Variants in C12orf42 observed in about 807,000 individuals in gnomAD.
C12orf42 encodes the protein uncharacterized protein C12orf42.
In C12orf42, 25 loss-of-function variants were observed where a neutral mutation model predicts 21.6. The observed-to-expected ratio is 1.16, with a 90% CI of 0.84 to 1.62. The LOEUF (loss-of-function observed/expected upper bound fraction) is 1.62. C12orf42 is among the 40% of genes most tolerant of loss of function. The probability of loss-of-function intolerance (pLI) is 0.00; values close to 1 mark genes in which losing one functional copy is unlikely to be tolerated. For missense variants in C12orf42, 483 were observed against 459.3 expected (o/e 1.05, Z -0.47); for synonymous variants, 174 against 175.0 (o/e 0.99, Z 0.05).
the C12orf42 span, among the ~76,000 whole-genome samples, chr12:103,548,514 G>A: frequency 1.3e-5 from 2 of 152,058 alleles, no homozygotes; most frequent in African/African-American, 4.8e-5. Flanking sequence ...TTATGAAAAG[G>A]CCATTTGAAA....
chr12:103,462,453 G>A (rs559065831), intron 2 of C12orf42, among the ~76,000 whole-genome samples: 182 of 151,966 alleles, frequency 1.2e-3, no homozygotes, highest in African/African-American at 4.2e-3. Flanking sequence ...CCTAAGTCCA[G>A]ACAAAGAAAT....
intron 1 of C12orf42, among the ~76,000 whole-genome samples, chr12:103,480,291 G>A (rs1954374838): frequency 6.6e-6 from 1 of 151,396 alleles, no homozygotes; most frequent in African/African-American, 2.4e-5. Context: ...TTATGTCCCT[G>A]TTTTAATTCT....
chr12:103,502,587 A>G, the C12orf42 span, among the ~76,000 whole-genome samples: 1 of 152,144 alleles, frequency 6.6e-6, no homozygotes, highest in Admixed American at 6.5e-5. Flanking sequence ...TTCTGGTCTC[A>G]GCACAAACCA....
At chr12:103,374,479 TG>T (rs1433859676) in intron 3 of C12orf42, among the ~76,000 whole-genome samples, 1 of 152,160 alleles carries the variant, frequency 6.6e-6, no homozygotes, top group African/African-American at 2.4e-5. Flanking sequence ...ATTACTTCTC[TG>T]GTAAGCTAGC....
intron 4 of C12orf42, chr12:103,368,163 G>C: frequency 1.4e-6 from 1 of 690,046 alleles, no homozygotes; most frequent in East Asian, 6.5e-5. Flanking sequence ...TGGTGACAAT[G>C]TTATGGGGAA....
intron 3 of C12orf42, among the ~76,000 whole-genome samples, chr12:103,400,029 C>T (rs767295438): frequency 1.1e-4 from 17 of 151,726 alleles, no homozygotes; most frequent in South Asian, 2.1e-4. Context: ...ACAAATAATA[C>T]GAAAGTATTT....
At chr12:103,325,554 G>A (rs535968252) in intron 4 of C12orf42, among the ~76,000 whole-genome samples, 5 of 152,318 alleles carry the variant, frequency 3.3e-5, no homozygotes, top group African/African-American at 1.2e-4. Context: ...GCCATACTAA[G>A]GTTGAAGGTC....
chr12:103,289,964 G>T (rs949262012), intron 4 of C12orf42, among the ~76,000 whole-genome samples: 21 of 152,116 alleles, frequency 1.4e-4, no homozygotes, highest in Non-Finnish European at 3.1e-4. Flanking sequence ...CATTTTGAGG[G>T]GGAAAAGGGG....
chr12:103,084,448 T>A, the C12orf42 span, among the ~76,000 whole-genome samples: 1 of 152,174 alleles, frequency 6.6e-6, no homozygotes, highest in African/African-American at 2.4e-5. Context: ...TGCAGGTTTG[T>A]TAGATAGGTA....
At chr12:103,371,961 C>T (rs531354324) in intron 3 of C12orf42, among the ~76,000 whole-genome samples, 1 of 152,266 alleles carries the variant, frequency 6.6e-6, no homozygotes, top group East Asian at 1.9e-4. Flanking sequence ...CAAATCCACT[C>T]TTTCTTACTC....
chr12:103,513,199 G>A, the C12orf42 span, among the ~76,000 whole-genome samples: 34,953 of 151,768 alleles, frequency 0.23, 4,701 homozygotes, highest in East Asian at 0.53. Context: ...CTGTGACCCC[G>A]GCCAGGCAAG....
At chr12:103,082,307 T>C in the C12orf42 span, among the ~76,000 whole-genome samples, 1 of 152,232 alleles carries the variant, frequency 6.6e-6, no homozygotes, top group African/African-American at 2.4e-5. Context: ...GAGTAGCAAG[T>C]ATAAACCAGA....
chr12:103,334,287 T>C (rs2041495408), intron 4 of C12orf42, among the ~76,000 whole-genome samples: 2 of 152,198 alleles, frequency 1.3e-5, no homozygotes, highest in African/African-American at 4.8e-5. Context: ...CTTGCCTATG[T>C]GAGATTTACA....
At position 103,474,951 on chromosome 12, in the gene C12orf42, G is replaced by A. The variant is rs569766039; in HGVS notation, c.78+3398C>T. On this transcript the variant is annotated intron_variant, in intron 2 of 5. Transcript: ENST00000548883. ...AGACCCTCAAGATAAATTTTCCAAA[G>A]TTAGGCTTCTCTCCTGGTTAACATA... 1.6e-4 allele frequency among the ~76,000 whole-genome samples: 25 copies of A among 152,276 alleles called. No individual in the cohort carries two copies. The South Asian group carries it at 5.2e-3, about 32-fold the overall frequency.
chr12:103,507,692 G>A, the C12orf42 span, among the ~76,000 whole-genome samples: 2 of 151,328 alleles, frequency 1.3e-5, no homozygotes, highest in African/African-American at 4.9e-5. Flanking sequence ...AAACTGGTGG[G>A]GTGGGGGCGG....
the C12orf42 span, among the ~76,000 whole-genome samples, chr12:103,149,188 A>T: frequency 6.6e-6 from 1 of 152,142 alleles, no homozygotes; most frequent in African/African-American, 2.4e-5. Context: ...TTTCAAAAAA[A>T]TTCCCCTGCT....
chr12:103,052,785 C>A, the C12orf42 span, among the ~76,000 whole-genome samples: 1 of 151,866 alleles, frequency 6.6e-6, no homozygotes, highest in African/African-American at 2.4e-5. Flanking sequence ...ACTATTTTAC[C>A]TTTTACACTT....
chr12:103,546,331 C>T, the C12orf42 span, among the ~76,000 whole-genome samples: 1 of 152,298 alleles, frequency 6.6e-6, no homozygotes, highest in South Asian at 2.1e-4. Flanking sequence ...GCTCGAGTGT[C>T]TGGACAAATG....
chr12:103,403,093 G>A (rs2048145570), intron 2 of C12orf42, among the ~76,000 whole-genome samples: 4 of 152,088 alleles, frequency 2.6e-5, no homozygotes, highest in Admixed American at 1.3e-4. Flanking sequence ...AAGAATGCAG[G>A]GGCCAGGCAC....
Sources: allele counts gnomAD v4.1 joint callset (sites outside exome capture counted in the v4.1 genomes callset), GRCh38; gene constraint gnomAD v4.1.1; transcripts MANE v1.5; gene names NCBI Gene and HGNC (gene_info 2026-07-23, HGNC 2026-07-21).